LIG1: variants seen among roughly 807,000 people sequenced by gnomAD.
The protein encoded by LIG1 is ligase I, DNA, ATP-dependent.
A neutral mutation model predicts 115.7 loss-of-function variants in LIG1; 70 were observed. The observed-to-expected ratio is 0.60, with a 90% CI of 0.50 to 0.74. LIG1 has a LOEUF of 0.74. Ranked by LOEUF, LIG1 falls within the 30% of genes least tolerant of loss-of-function variation. LIG1 has a pLI of 0.00. For synonymous variants in LIG1, 487 were observed against 495.3 expected (o/e 0.98, Z 0.22); for missense variants, 1,115 against 1,225.6 (o/e 0.91, Z 1.35).
chr19:48,149,596 G>C (rs2035338264), intron 9 of LIG1, among the ~76,000 whole-genome samples, 167 bp downstream of exon 9: 1 of 152,132 alleles, frequency 6.6e-6, no homozygotes, highest in South Asian at 2.1e-4. Context: ...TTGCAACAGG[G>C]GCCAAATGTG....
intron 16 of LIG1, 25 bp from the exon 17 acceptor site, chr19:48,134,091 T>G: frequency 1.3e-6 from 2 of 1,541,180 alleles, no homozygotes; most frequent in Non-Finnish European, 1.8e-6. Context: ...GAGAACAAGA[T>G]AGGGGAAGCC....
At chr19:48,136,881 C>G (rs1427639766) in intron 14 of LIG1, 127 bp downstream of exon 14, 2 of 795,108 alleles carry the variant, frequency 2.5e-6, no homozygotes, top group East Asian at 5.3e-5. Context: ...GGCTGGGCCT[C>G]CTGCTCATGC....
Position 48,116,007 on chromosome 19 carries a change from G to A in LIG1, c.2584-42C>T, listed in dbSNP as rs146892854. On this transcript the variant is annotated intron_variant, in intron 26 of 27. Coordinates refer to ENST00000263274, the MANE Select transcript of LIG1 (RefSeq NM_000234.3). Reference sequence around the variant, plus strand: ...GAGACTCCTGCGGTCCAGCCCCAGCGACCCCCTGCTCAGTCTCCTCCCTCC... The same window carrying A: ...GAGACTCCTGCGGTCCAGCCCCAGCAACCCCCTGCTCAGTCTCCTCCCTCC... 2.4e-5 allele frequency: 35 copies of A among 1,479,128 alleles called. No individual in the cohort carries two copies. The East Asian group carries it at 3.2e-4, about 14-fold the overall frequency. The allele number at this position is 1,479,128 out of a possible 1,614,324, so 91.6% of individuals were successfully genotyped here.
At position 48,135,771 on chromosome 19, in the gene LIG1, G is replaced by C; in HGVS notation, c.1432C>G (p.Pro478Ala). ...CCCTTCCCAGCATCCACCATGGCTG[G>C]TGGGAATTCTAAGAAAAGACCCACC... is the stretch of plus-strand genomic sequence containing the variant. ...SLTPPGQEFP[P>A]AMVDAGKGKT... Residue 478 changes from proline to alanine, a missense_variant, in exon 16 of 28, where the codon CCA (proline) becomes GCA (alanine). Physicochemically the swap from Pro to Ala is conservative, Grantham distance 27. Coordinates refer to ENST00000263274, the MANE Select transcript of LIG1 (RefSeq NM_000234.3). 1 of 1,613,922 alleles carries C rather than the reference G, an allele frequency of 6.2e-7. No homozygotes were observed. Among genetic ancestry groups the C allele is most frequent in the South Asian group, 1.1e-5 (1 of 91,084 alleles).
At chr19:48,117,592 G>A (rs761732591) in intron 26 of LIG1, 46 bp downstream of exon 26, 13 of 1,602,566 alleles carry the variant, frequency 8.1e-6, no homozygotes, top group South Asian at 3.4e-5. Flanking sequence ...CTGTGTGCCC[G>A]CCCAGAATCC....
intron 11 of LIG1, among the ~76,000 whole-genome samples, 180 bp downstream of exon 11, chr19:48,143,363 G>A (rs748217197): frequency 6.6e-6 from 1 of 152,222 alleles, no homozygotes; most frequent in Non-Finnish European, 1.5e-5. Flanking sequence ...GAATGAGGCA[G>A]AAAGTCAAGA....
chr19:48,150,532 T>C (rs965608015), intron 7 of LIG1, among the ~76,000 whole-genome samples: 2 of 151,964 alleles, frequency 1.3e-5, no homozygotes, highest in African/African-American at 4.8e-5. Flanking sequence ...TCCCTAAAAT[T>C]CTCCCGGCAA....
chr19:48,154,317 G>A (rs1341281559), intron 5 of LIG1: 1 of 338,864 alleles, frequency 3.0e-6, no homozygotes, highest in African/African-American at 2.1e-5. Context: ...GCCTCCAAGT[G>A]TTCCAGACAG....
At chr19:48,156,802 A>G (rs12980783) in intron 5 of LIG1, among the ~76,000 whole-genome samples, 2 of 151,978 alleles carry the variant, frequency 1.3e-5, no homozygotes, top group African/African-American at 2.4e-5. Context: ...TTAGCCAGGC[A>G]TGGTGGCGGG....
chr19:48,151,200 G>T (rs765222815), intron 7 of LIG1, 32 bp downstream of exon 7: 2 of 1,366,492 alleles, frequency 1.5e-6, no homozygotes, highest in South Asian at 1.2e-5. Context: ...TCAGGAGGTG[G>T]GGCAGGGCGG....
At chr19:48,165,498 G>A in intron 2 of LIG1, 52 bp downstream of exon 2, 1 of 1,326,278 alleles carries the variant, frequency 7.5e-7, no homozygotes, top group South Asian at 1.2e-5. Context: ...TTTAGAGAAA[G>A]AAACAGAGGA....
At chr19:48,119,527 GTCT>G (rs2033117952) in intron 24 of LIG1, among the ~76,000 whole-genome samples, 7 of 120,822 alleles carry the variant, frequency 5.8e-5, no homozygotes, top group Non-Finnish European at 1.0e-4. Context: ...CTCACTTCCA[GTCT>G]TTTTTTTTTT....
intron 11 of LIG1, among the ~76,000 whole-genome samples, chr19:48,140,875 G>C (rs185972380): frequency 3.0e-4 from 45 of 152,282 alleles, no homozygotes; most frequent in Middle Eastern, 3.4e-3. Flanking sequence ...CTCCCCACAT[G>C]CTCAGGGAGA....
intron 25 of LIG1, among the ~76,000 whole-genome samples, chr19:48,118,756 G>T (rs1325641094): frequency 6.6e-6 from 1 of 152,142 alleles, no homozygotes; most frequent in Non-Finnish European, 1.5e-5. Context: ...AACTAATACA[G>T]ATCCAATATG....
At chr19:48,131,301 G>C in intron 18 of LIG1, 130 bp from the exon 19 acceptor site, 6 of 692,948 alleles carry the variant, frequency 8.7e-6, no homozygotes, top group South Asian at 7.8e-5. Flanking sequence ...GCAGAGACTT[G>C]AGCGAATCAT....
intron 24 of LIG1, 97 bp from the exon 25 acceptor site, chr19:48,119,287 C>G (rs983648767): frequency 7.1e-6 from 7 of 980,202 alleles, no homozygotes; most frequent in African/African-American, 3.2e-5. Context: ...GCCCCCACCC[C>G]ACTCTGGTCT....
chr19:48,152,918 TG>T (rs1489885235), intron 6 of LIG1, among the ~76,000 whole-genome samples: 1 of 152,078 alleles, frequency 6.6e-6, no homozygotes, highest in African/African-American at 2.4e-5. Context: ...AAATACAGGC[TG>T]GGCGCAGTGG....
At chr19:48,136,449 C>T (rs916521181) in intron 14 of LIG1, among the ~76,000 whole-genome samples, 3 of 152,110 alleles carry the variant, frequency 2.0e-5, no homozygotes, top group African/African-American at 4.8e-5. Flanking sequence ...GCCTGGCGCC[C>T]GCCCTGGTGA....
At chr19:48,161,638 T>C in intron 3 of LIG1, 131 bp from the exon 4 acceptor site, 1 of 1,100,636 alleles carries the variant, frequency 9.1e-7, no homozygotes, top group Middle Eastern at 2.4e-4. Flanking sequence ...CATTTTCTGG[T>C]TGTCTCCTCA....
Sources: gnomAD v4.1 joint callset for allele counts (sites outside exome capture counted in the v4.1 genomes callset) on GRCh38, gnomAD v4.1.1 for gene constraint, MANE v1.5 for transcripts, NCBI Gene and HGNC (gene_info 2026-07-23, HGNC 2026-07-21) for gene names.